The following PTPRN2 variants were observed in gnomAD, a reference collection of about 807,000 sequenced individuals.
The protein encoded by PTPRN2 is receptor-type tyrosine-protein phosphatase N2.
A neutral mutation model predicts 118.8 loss-of-function variants in PTPRN2; 74 were observed. The observed-to-expected ratio is 0.62, with a 90% confidence interval of 0.52 to 0.76. The LOEUF (loss-of-function observed/expected upper bound fraction) is 0.76, where lower values mean the gene tolerates loss of function less well. Ranked by LOEUF, PTPRN2 falls within the 30% of genes least tolerant of loss-of-function variation. The probability of loss-of-function intolerance (pLI) is 0.00; values close to 1 mark genes in which losing one functional copy is unlikely to be tolerated. For missense variants in PTPRN2, 1,481 were observed against 1,394.4 expected (o/e 1.06, Z -0.99); for synonymous variants, 641 against 608.0 (o/e 1.05, Z -0.80).
At chr7:157,626,641 T>C (rs1326667128) in intron 14 of PTPRN2, among the ~76,000 whole-genome samples, 1 of 152,240 alleles carries the variant, frequency 6.6e-6, no homozygotes. Flanking sequence ...CAAGCTCTGA[T>C]TCTTCTCATG....
chr7:157,936,065 A>G (rs994461578), intron 11 of PTPRN2, among the ~76,000 whole-genome samples: 3 of 152,222 alleles, frequency 2.0e-5, no homozygotes, highest in African/African-American at 7.2e-5. Context: ...CAGCAACGCC[A>G]TTCTGTCCTG....
intron 11 of PTPRN2, among the ~76,000 whole-genome samples, chr7:157,962,372 CTTCCCG>C (rs1801606400): frequency 6.6e-6 from 1 of 152,180 alleles, no homozygotes; most frequent in African/African-American, 2.4e-5. Context: ...CGTTATTCCC[CTTCCCG>C]TTTCCTGTTC....
intron 2 of PTPRN2, among the ~76,000 whole-genome samples, chr7:158,444,555 C>G (rs955876697): frequency 6.6e-6 from 1 of 152,254 alleles, no homozygotes; most frequent in Non-Finnish European, 1.5e-5. Context: ...GGCCAAAACC[C>G]TGTTAGAGCA....
intron 11 of PTPRN2, among the ~76,000 whole-genome samples, chr7:157,952,245 C>G: frequency 6.6e-6 from 1 of 152,214 alleles, no homozygotes; most frequent in Non-Finnish European, 1.5e-5. Context: ...GGCCGAACCC[C>G]GCAGGACAAC....
At chr7:157,760,446 C>A (rs1012179874) in intron 12 of PTPRN2, among the ~76,000 whole-genome samples, 1 of 152,006 alleles carries the variant, frequency 6.6e-6, no homozygotes, top group African/African-American at 2.4e-5. Context: ...CAAGTCCTGC[C>A]CTCGAGAGAT....
intron 9 of PTPRN2, among the ~76,000 whole-genome samples, chr7:158,122,950 C>T (rs1003687544): frequency 1.3e-5 from 2 of 151,662 alleles, no homozygotes; most frequent in African/African-American, 4.9e-5. Flanking sequence ...GAAATCAAGC[C>T]AAGAACAGGA....
At position 158,544,891 on chromosome 7, in the gene PTPRN2, G is replaced by A. The variant is rs1563418433; in HGVS notation, c.112+42667C>T. Among the ~76,000 whole-genome samples the A allele has an allele frequency of 6.6e-6, 1 of 152,122 alleles. No homozygotes were observed. The highest frequency in any genetic ancestry group is 2.4e-5 in the African/African-American group (1 of 41,414). ...GCTAACACTTACACCTGCCCACACTGGTGCTCACACTCACGTGATCACACC... is the reference window on the plus strand; with the variant it reads ...GCTAACACTTACACCTGCCCACACTAGTGCTCACACTCACGTGATCACACC... On this transcript the variant is annotated intron_variant, in intron 1 of 22. Coordinates refer to ENST00000389418, the MANE Select transcript of PTPRN2 (RefSeq NM_002847.5). This position sits in a 1 kb window ranked among gnomAD's most constrained non-coding sequence, Gnocchi z 4.2.
At chr7:158,051,798 G>A (rs1367293774) in intron 11 of PTPRN2, among the ~76,000 whole-genome samples, 2 of 152,062 alleles carry the variant, frequency 1.3e-5, no homozygotes, top group African/African-American at 4.8e-5. Context: ...AAATTTACAT[G>A]TCAAAATACA....
intron 13 of PTPRN2, among the ~76,000 whole-genome samples, chr7:157,663,318 C>T (rs1033525774): frequency 1.3e-4 from 20 of 152,206 alleles, no homozygotes; most frequent in African/African-American, 4.6e-4. Flanking sequence ...GCGGCACTGG[C>T]TGTCGGCCGT....
chr7:158,144,568 G>T (rs560169984), intron 6 of PTPRN2, among the ~76,000 whole-genome samples: 1 of 152,200 alleles, frequency 6.6e-6, no homozygotes, highest in African/African-American at 2.4e-5. Context: ...GAACCTTGGG[G>T]GTGGAGGTTG....
chr7:158,226,018 A>G lies in PTPRN2; in HGVS notation c.278-20745T>C, dbSNP rs539318864. 7.9e-5 allele frequency among the ~76,000 whole-genome samples: 12 copies of G among 152,318 alleles called. 1 individual carries two copies. The South Asian group carries it at 2.5e-3, about 32-fold the overall frequency. The stretch of plus-strand genomic sequence containing the variant: ...AGTAAAAGCTCTGCATCGGACAGAA[A>G]TATCATCCAACTGTGTCCCAGAAGG... On this transcript the variant is annotated intron_variant, in intron 3 of 22. Transcript: ENST00000389418.
At chr7:157,936,330 C>T (rs1373950407) in intron 11 of PTPRN2, among the ~76,000 whole-genome samples, 1 of 152,180 alleles carries the variant, frequency 6.6e-6, no homozygotes, top group Admixed American at 6.5e-5. Context: ...GGGCTCTGTG[C>T]CCCTGTCACG....
chr7:158,120,318 C>A (rs1325710057), intron 9 of PTPRN2, among the ~76,000 whole-genome samples: 1 of 152,152 alleles, frequency 6.6e-6, no homozygotes, highest in Non-Finnish European at 1.5e-5. Context: ...TATGCTTAAA[C>A]ATGGGTAAGA....
chr7:158,006,177 T>C (rs1007183576), intron 11 of PTPRN2, among the ~76,000 whole-genome samples: 2 of 152,204 alleles, frequency 1.3e-5, no homozygotes, highest in African/African-American at 4.8e-5. Context: ...GTTTTGCAGA[T>C]GTGACACCCT....
intron 12 of PTPRN2, among the ~76,000 whole-genome samples, chr7:157,884,227 C>T (rs1358480044): frequency 6.6e-6 from 1 of 152,150 alleles, no homozygotes; most frequent in Non-Finnish European, 1.5e-5. Flanking sequence ...AACATAGCAC[C>T]CCAAAATGAC....
intron 3 of PTPRN2, among the ~76,000 whole-genome samples, chr7:158,239,440 C>T (rs561762508): frequency 6.6e-6 from 1 of 152,324 alleles, no homozygotes; most frequent in African/African-American, 2.4e-5. Context: ...TAGCGCGGCC[C>T]CCACCCTCCT....
chr7:158,014,165 C>T (rs1272272218), intron 11 of PTPRN2, among the ~76,000 whole-genome samples: 4 of 146,456 alleles, frequency 2.7e-5, no homozygotes, highest in African/African-American at 1.0e-4. Context: ...CTCACCTATT[C>T]ATCCATCCAT....
At chr7:158,252,995 G>A (rs1047664418) in intron 3 of PTPRN2, among the ~76,000 whole-genome samples, 4 of 152,186 alleles carry the variant, frequency 2.6e-5, no homozygotes, top group Admixed American at 6.5e-5. Context: ...TCATGCCCAC[G>A]GCACTCAGAA....
chr7:157,668,029 A>C (rs2150772601), intron 13 of PTPRN2, among the ~76,000 whole-genome samples: 1 of 152,336 alleles, frequency 6.6e-6, no homozygotes, highest in Non-Finnish European at 1.5e-5. Context: ...GCAGCTCCTC[A>C]GGTGTGAGCA....
Sources: gnomAD v4.1 joint callset for allele counts (sites outside exome capture counted in the v4.1 genomes callset) on GRCh38, gnomAD v4.1.1 for gene constraint, Gnocchi (gnomAD v3.1) non-coding constraint, MANE v1.5 for transcripts, NCBI Gene and HGNC (gene_info 2026-07-23, HGNC 2026-07-21) for gene names.